Variants in DPP10 observed in about 807,000 individuals in gnomAD.
The protein encoded by DPP10 is dipeptidyl peptidase like 10, also known as inactive dipeptidyl peptidase 10.
DPP10 carries 33 observed loss-of-function variants against 120.9 expected under a neutral mutation model. The observed-to-expected ratio is 0.27, with a 90% CI of 0.21 to 0.37. The LOEUF is 0.37. Ranked by LOEUF, DPP10 falls within the 10% of genes least tolerant of loss-of-function variation. DPP10 has a pLI of 1.00. For missense variants in DPP10, 816 were observed against 942.8 expected (o/e 0.87, Z 1.76); for synonymous variants, 337 against 326.1 (o/e 1.03, Z -0.36).
intron 5 of DPP10, among the ~76,000 whole-genome samples, chr2:115,622,987 C>A (rs1398566911): frequency 6.6e-6 from 1 of 151,918 alleles, no homozygotes; most frequent in Non-Finnish European, 1.5e-5. Flanking sequence ...GGACTACAGG[C>A]GCCCGCCCCC....
chr2:114,937,995 A>G (rs1574523764), intron 1 of DPP10, among the ~76,000 whole-genome samples: 2 of 152,294 alleles, frequency 1.3e-5, no homozygotes, highest in Admixed American at 1.3e-4. Flanking sequence ...ATACTCACCA[A>G]CTGCCAATTC....
intron 19 of DPP10, among the ~76,000 whole-genome samples, chr2:115,793,086 G>C (rs1684168625): frequency 6.6e-6 from 1 of 152,112 alleles, no homozygotes; most frequent in Non-Finnish European, 1.5e-5. Context: ...GTTTTGTTCT[G>C]GTTGATTTTT....
intron 5 of DPP10, among the ~76,000 whole-genome samples, chr2:115,648,402 T>G (rs2087462258): frequency 6.6e-6 from 1 of 152,090 alleles, no homozygotes; most frequent in Non-Finnish European, 1.5e-5. Context: ...TGAAAATCCC[T>G]AAGAGAGCAG....
chr2:115,389,656 C>T (rs1232469411), intron 3 of DPP10, among the ~76,000 whole-genome samples: 4 of 152,066 alleles, frequency 2.6e-5, no homozygotes, highest in Non-Finnish European at 5.9e-5. Flanking sequence ...TAGAGTAATG[C>T]CCATGAATTA....
chr2:114,601,391 T>G (rs919034560), intron 1 of DPP10, among the ~76,000 whole-genome samples: 1 of 152,100 alleles, frequency 6.6e-6, no homozygotes, highest in Admixed American at 6.6e-5. Flanking sequence ...TCTCATGTTC[T>G]TTCTGTAAGG....
At chr2:115,678,388 C>T (rs62157886) in intron 5 of DPP10, among the ~76,000 whole-genome samples, 12,201 of 152,316 alleles carry the variant, frequency 0.08, 650 homozygotes, top group Non-Finnish European at 0.11. Flanking sequence ...AAAGGGGCCG[C>T]GGCACAGCTC....
intron 1 of DPP10, among the ~76,000 whole-genome samples, chr2:115,179,887 G>A (rs116162514): frequency 3.5e-4 from 53 of 152,074 alleles, no homozygotes; most frequent in African/African-American, 1.2e-3. Context: ...TTTCACAGAA[G>A]GAATTTTTAG....
intron 1 of DPP10, among the ~76,000 whole-genome samples, chr2:114,820,689 C>A (rs1029674669): frequency 6.6e-6 from 1 of 152,130 alleles, no homozygotes; most frequent in Non-Finnish European, 1.5e-5. Flanking sequence ...AACCATCAGA[C>A]CTTGTGAGAA....
At chr2:115,039,962 AG>A (rs1192500362) in intron 1 of DPP10, among the ~76,000 whole-genome samples, 1 of 151,824 alleles carries the variant, frequency 6.6e-6, no homozygotes, top group African/African-American at 2.4e-5. Flanking sequence ...AGGAAGACTA[AG>A]GGAAAAAAAT....
chr2:115,737,341 T>C (rs1040859805), intron 8 of DPP10, among the ~76,000 whole-genome samples: 1 of 152,180 alleles, frequency 6.6e-6, no homozygotes, highest in African/African-American at 2.4e-5. Context: ...GTGGATCAGA[T>C]AGCCATCAGT....
At chr2:114,755,966 A>AG (rs1034482017) in intron 1 of DPP10, among the ~76,000 whole-genome samples, 1 of 151,700 alleles carries the variant, frequency 6.6e-6, no homozygotes, top group African/African-American at 2.4e-5. Context: ...AAAAAAAAAA[A>AG]AAGAAATTAA....
At chr2:115,376,163 T>A (rs1341209306) in intron 3 of DPP10, among the ~76,000 whole-genome samples, 1 of 152,210 alleles carries the variant, frequency 6.6e-6, no homozygotes, top group Admixed American at 6.5e-5. Context: ...GCTTGTTTGT[T>A]TGAAGACTAG....
chr2:114,686,643 A>T (rs1699388292), intron 1 of DPP10, among the ~76,000 whole-genome samples: 1 of 152,066 alleles, frequency 6.6e-6, no homozygotes, highest in East Asian at 1.9e-4. Flanking sequence ...TTATGTGGCT[A>T]ACATTAGACT....
chr2:115,111,616 T>C (rs2049226251), intron 1 of DPP10, among the ~76,000 whole-genome samples: 1 of 152,088 alleles, frequency 6.6e-6, no homozygotes, highest in Admixed American at 6.5e-5. Flanking sequence ...CAGGACAATA[T>C]TGGGATGGTG....
At chr2:115,410,000 G>A (rs2068820805) in intron 3 of DPP10, among the ~76,000 whole-genome samples, 2 of 152,170 alleles carry the variant, frequency 1.3e-5, no homozygotes, top group Admixed American at 1.3e-4. Flanking sequence ...AATGTTTTGG[G>A]TTTTACATTT....
rs143116180 is a variant in DPP10, at chr2:114,935,690, G to C, written c.61-373549G>C. Among the ~76,000 whole-genome samples, 852 of 152,080 alleles carry C rather than the reference G, an allele frequency of 5.6e-3. 10 individuals are homozygous for C. The highest frequency in any genetic ancestry group is 0.02 in the African/African-American group (824 of 41,512). On this transcript the variant is annotated intron_variant, in intron 1 of 25. Coordinates refer to ENST00000410059, the MANE Select transcript of DPP10 (RefSeq NM_020868.6). ...CTTTCGGTTATTTGCTCAAGTGTGT[G>C]TGTGTGTTCAGGTCCCAACCCAAGA...
intron 1 of DPP10, among the ~76,000 whole-genome samples, chr2:114,595,871 G>A (rs1012886253): frequency 6.6e-6 from 1 of 152,094 alleles, no homozygotes; most frequent in Non-Finnish European, 1.5e-5. Context: ...CACAATCCTG[G>A]ATCATTATCT....
chr2:115,447,969 C>T (rs2072763301), intron 3 of DPP10, among the ~76,000 whole-genome samples: 1 of 152,094 alleles, frequency 6.6e-6, no homozygotes. Flanking sequence ...GTAATAAGAA[C>T]AAATTTTAGA....
intron 3 of DPP10, among the ~76,000 whole-genome samples, chr2:115,477,513 T>A (rs894815830): frequency 6.6e-6 from 1 of 152,144 alleles, no homozygotes; most frequent in Non-Finnish European, 1.5e-5. Context: ...AGATATATAT[T>A]AATGAAAAGC....
Sources: gnomAD v4.1 joint callset for allele counts (sites outside exome capture counted in the v4.1 genomes callset) on GRCh38, gnomAD v4.1.1 for gene constraint, MANE v1.5 for transcripts, NCBI Gene and HGNC (gene_info 2026-07-23, HGNC 2026-07-21) for gene names.